Variants in RBFOX1 observed in about 807,000 individuals in gnomAD.
The protein encoded by RBFOX1 is RNA binding protein fox-1 homolog 1.
Under a neutral mutation model 57.7 loss-of-function variants are expected in RBFOX1, and 8 were observed. The observed-to-expected ratio is 0.14, with a 90% CI of 0.08 to 0.25. The LOEUF (loss-of-function observed/expected upper bound fraction) is 0.25. Among genes scored for constraint, RBFOX1 ranks in the 10% least tolerant of loss-of-function variants. RBFOX1 has a pLI of 1.00. For synonymous variants in RBFOX1, 326 were observed against 222.4 expected (o/e 1.47, Z -4.15); for missense variants, 611 against 548.5 (o/e 1.11, Z -1.14).
intron 3 of RBFOX1, among the ~76,000 whole-genome samples, chr16:6,979,900 C>T (rs1484539500): frequency 3.3e-5 from 5 of 152,114 alleles, no homozygotes; most frequent in Admixed American, 3.3e-4. Flanking sequence ...GGCCACAGGA[C>T]AAGATCTTGT....
chr16:6,737,668 A>G (rs1258406013), intron 3 of RBFOX1, among the ~76,000 whole-genome samples: 1 of 152,208 alleles, frequency 6.6e-6, no homozygotes, highest in Non-Finnish European at 1.5e-5. Context: ...CAGGTTCAAT[A>G]TAGGCTAGGC....
intron 1 of RBFOX1, among the ~76,000 whole-genome samples, chr16:6,039,217 AG>A (rs2095409241): frequency 6.6e-6 from 1 of 151,656 alleles, no homozygotes; most frequent in Admixed American, 6.6e-5. Flanking sequence ...CAAGTCCTGG[AG>A]GTCTGAGCAG....
chr16:6,829,723 T>C (rs2092558161), intron 3 of RBFOX1, among the ~76,000 whole-genome samples: 1 of 152,026 alleles, frequency 6.6e-6, no homozygotes, highest in African/African-American at 2.4e-5. Context: ...TGTCTCAGCC[T>C]CCTGAGTAGC....
intron 11 of RBFOX1, 33 bp from the exon 12 acceptor site, chr16:7,653,782 T>TTC (rs765555065): frequency 1.4e-6 from 2 of 1,413,046 alleles, no homozygotes; most frequent in Non-Finnish European, 1.9e-6. Flanking sequence ...TGACAGCCTG[T>TTC]GCTCTCTCTC....
chr16:5,477,660 C>G (rs1360796731), intron 2 of RBFOX1, among the ~76,000 whole-genome samples: 4 of 152,178 alleles, frequency 2.6e-5, no homozygotes, highest in African/African-American at 9.7e-5. Flanking sequence ...CATTGCAAAT[C>G]TTCCTATCTG....
chr16:7,403,515 T>C (rs1046926296), intron 4 of RBFOX1, among the ~76,000 whole-genome samples: 1 of 151,312 alleles, frequency 6.6e-6, no homozygotes, highest in Non-Finnish European at 1.5e-5. Context: ...TTATTTTCTC[T>C]AGCATAATGT....
chr16:6,262,834 G>T (rs887427144), intron 1 of RBFOX1, among the ~76,000 whole-genome samples: 5 of 152,186 alleles, frequency 3.3e-5, no homozygotes, highest in Non-Finnish European at 7.3e-5. Context: ...CAGGGTCACA[G>T]TGGGCAACAA....
intron 2 of RBFOX1, among the ~76,000 whole-genome samples, chr16:5,467,726 G>A (rs911120506): frequency 5.9e-5 from 9 of 152,110 alleles, no homozygotes; most frequent in African/African-American, 1.9e-4. Context: ...TCAACTCTAC[G>A]TTATTATTGT....
Position 5,924,248 on chromosome 16 carries a change from G to C in RBFOX1, c.351+56913G>C, listed in dbSNP as rs545616751. Among the ~76,000 whole-genome samples, 5 of 152,234 alleles carry C rather than the reference G, an allele frequency of 3.3e-5. No individual in the cohort carries two copies. In the South Asian group the frequency reaches 1.0e-3, roughly 32 times the overall value. Reference sequence around the variant, plus strand: ...ACCTCTTTCCTTTATAAATTACCCAGTGTCAGGTATTTCTTCATAGCAGAG... The same window carrying C: ...ACCTCTTTCCTTTATAAATTACCCACTGTCAGGTATTTCTTCATAGCAGAG... On this transcript the variant is annotated intron_variant, in intron 4 of 19. Transcript: ENST00000641259.
chr16:7,353,749 C>T (rs1254286324), intron 4 of RBFOX1, among the ~76,000 whole-genome samples: 1 of 152,114 alleles, frequency 6.6e-6, no homozygotes, highest in Non-Finnish European at 1.5e-5. Context: ...AAATGTTCAG[C>T]ATAAGCAAAC....
chr16:6,989,099 G>T (rs1205103017), intron 3 of RBFOX1, among the ~76,000 whole-genome samples: 1 of 152,070 alleles, frequency 6.6e-6, no homozygotes, highest in Non-Finnish European at 1.5e-5. Context: ...ATTTCGCCAT[G>T]TTGGGCAGGT....
chr16:6,252,042 C>T (rs991289210), intron 1 of RBFOX1, among the ~76,000 whole-genome samples: 1 of 152,110 alleles, frequency 6.6e-6, no homozygotes, highest in Non-Finnish European at 1.5e-5. Flanking sequence ...TTTTAGGTCT[C>T]CTTGCTTGAT....
chr16:5,663,321 C>G (rs1011721462), intron 3 of RBFOX1, among the ~76,000 whole-genome samples: 2 of 152,058 alleles, frequency 1.3e-5, no homozygotes, highest in Non-Finnish European at 2.9e-5. Flanking sequence ...AGAGGTCTTT[C>G]CATTTCCCAG....
intron 2 of RBFOX1, among the ~76,000 whole-genome samples, chr16:6,468,798 T>G (rs910659296): frequency 6.6e-6 from 1 of 152,118 alleles, no homozygotes; most frequent in Non-Finnish European, 1.5e-5. Flanking sequence ...TTTAGTCTTT[T>G]ATTTTAAGTT....
chr16:7,507,796 G>T (rs555060093), intron 4 of RBFOX1, among the ~76,000 whole-genome samples: 2 of 151,912 alleles, frequency 1.3e-5, no homozygotes, highest in Non-Finnish European at 2.9e-5. Context: ...ATGTCCTGAC[G>T]TCGTGATCCG....
intron 4 of RBFOX1, among the ~76,000 whole-genome samples, chr16:7,421,579 T>G (rs1256486775): frequency 6.6e-6 from 1 of 152,190 alleles, no homozygotes; most frequent in African/African-American, 2.4e-5. Flanking sequence ...ACCTACAGTT[T>G]GAGGAAATAA....
At chr16:6,331,929 T>G (rs1463921501) in intron 2 of RBFOX1, among the ~76,000 whole-genome samples, 1 of 152,106 alleles carries the variant, frequency 6.6e-6, no homozygotes, top group Non-Finnish European at 1.5e-5. Context: ...TTGTTTCACA[T>G]AAGTTTCTCA....
At chr16:6,647,099 G>T (rs2098540336) in intron 2 of RBFOX1, among the ~76,000 whole-genome samples, 1 of 152,062 alleles carries the variant, frequency 6.6e-6, no homozygotes, top group Non-Finnish European at 1.5e-5. Flanking sequence ...AGGTTCTGAT[G>T]AGCACCCTCT....
chr16:5,460,039 C>T (rs1021629176), intron 1 of RBFOX1, among the ~76,000 whole-genome samples: 1 of 152,138 alleles, frequency 6.6e-6, no homozygotes, highest in African/African-American at 2.4e-5. Flanking sequence ...ATTCTGTTTC[C>T]TAAAAGTCAA....
Sources: allele counts gnomAD v4.1 joint callset (sites outside exome capture counted in the v4.1 genomes callset), GRCh38; gene constraint gnomAD v4.1.1; transcripts MANE v1.5; gene names NCBI Gene and HGNC (gene_info 2026-07-23, HGNC 2026-07-21).